PDZRN3: variants seen among roughly 807,000 people sequenced by gnomAD.
The protein encoded by PDZRN3 is E3 ubiquitin-protein ligase PDZRN3.
In PDZRN3, 38 loss-of-function variants were observed where a neutral mutation model predicts 85.7. The ratio of observed to expected loss-of-function variants is 0.44; its 90% CI spans 0.34 to 0.58. PDZRN3 has a LOEUF of 0.58. Among genes scored for constraint, PDZRN3 ranks in the 20% least tolerant of loss-of-function variants. The pLI is 0.01. For missense variants in PDZRN3, 1,629 were observed against 1,506.4 expected (o/e 1.08, Z -1.35); for synonymous variants, 759 against 638.0 (o/e 1.19, Z -2.86).
chr3:73,420,408 C>G (rs1702175644), intron 3 of PDZRN3, among the ~76,000 whole-genome samples: 1 of 152,226 alleles, frequency 6.6e-6, no homozygotes, highest in African/African-American at 2.4e-5. Flanking sequence ...GTGGATGCCC[C>G]TACTTGGCAC....
chr3:73,602,453 G>C lies in PDZRN3; in HGVS notation c.819C>G (p.His273Gln), dbSNP rs768087497. The C allele has an allele frequency of 2.0e-6, 3 of 1,532,734 alleles. No homozygotes were observed. The highest frequency in any genetic ancestry group is 2.3e-5 in the East Asian group (1 of 43,088). The allele number at this position is 1,532,734 out of a possible 1,614,324, so 94.9% of individuals were successfully genotyped here. The change falls in exon 3 of 10, where the codon CAC becomes CAG. Residue 273 changes from histidine to glutamine, a missense_variant. Coordinates refer to ENST00000263666, the MANE Select transcript of PDZRN3 (RefSeq NM_015009.3). ...IIGGRPSVDN[H>Q]DGSSSEGIFV... ...AGATTCCTTCACTGGATGATCCATC[G>C]TGGTTATCCTTTGGGTTAAAAAAAA...
intron 3 of PDZRN3, among the ~76,000 whole-genome samples, chr3:73,539,216 C>T (rs1704857120): frequency 6.6e-6 from 1 of 152,108 alleles, no homozygotes; most frequent in African/African-American, 2.4e-5. Context: ...TATAGGTTTT[C>T]AAAGTCACTC....
chr3:73,391,267 G>A, intron 5 of PDZRN3, 151 bp from the exon 6 acceptor site: 1 of 577,216 alleles, frequency 1.7e-6, no homozygotes, highest in South Asian at 2.4e-5. Flanking sequence ...AACAAAAAGT[G>A]ATTATGGACA....
chr3:73,518,433 G>T (rs1399379915), intron 3 of PDZRN3, among the ~76,000 whole-genome samples: 2 of 152,062 alleles, frequency 1.3e-5, no homozygotes, highest in Non-Finnish European at 2.9e-5. Context: ...AATGGTAAAG[G>T]TTGTACAATA....
At chr3:73,527,987 C>T (rs1704564571) in intron 3 of PDZRN3, among the ~76,000 whole-genome samples, 1 of 152,170 alleles carries the variant, frequency 6.6e-6, no homozygotes, top group Non-Finnish European at 1.5e-5. Flanking sequence ...GCTGGCATAG[C>T]CAAAAGCCCA....
chr3:73,407,146 T>C (rs1411478046), intron 3 of PDZRN3, among the ~76,000 whole-genome samples: 1 of 152,148 alleles, frequency 6.6e-6, no homozygotes, highest in African/African-American at 2.4e-5. Context: ...GCTGGTTGGA[T>C]GGGATGAGAG....
At chr3:73,388,982 C>T (rs559625090) in intron 7 of PDZRN3, among the ~76,000 whole-genome samples, 1 of 147,718 alleles carries the variant, frequency 6.8e-6, no homozygotes, top group East Asian at 2.0e-4. Flanking sequence ...GGACCCTGAC[C>T]CTTCAGGTGT....
chr3:73,528,109 C>T (rs1704567244), intron 3 of PDZRN3, among the ~76,000 whole-genome samples: 1 of 152,220 alleles, frequency 6.6e-6, no homozygotes, highest in African/African-American at 2.4e-5. Flanking sequence ...GCTGCTCCCC[C>T]AGACTAAAGA....
rs181794193 is a variant in PDZRN3 at position 73,421,203 on chromosome 3, G to A, written c.919-16808C>T. ...CCTACACTGTGCCATACGGGTTCCA[G>A]ATACACTCACACACACATTAAAGCT... On this transcript the variant is annotated intron_variant, in intron 3 of 9. Coordinates refer to ENST00000263666, the MANE Select transcript of PDZRN3 (RefSeq NM_015009.3). Among the ~76,000 whole-genome samples, 18 of 152,278 alleles carry A rather than the reference G, an allele frequency of 1.2e-4. No individual in the cohort carries two copies. In the East Asian group the frequency reaches 2.9e-3, roughly 24 times the overall value.
At chr3:73,400,294 G>T (rs1215919794) in intron 5 of PDZRN3, among the ~76,000 whole-genome samples, 3 of 152,084 alleles carry the variant, frequency 2.0e-5, no homozygotes, top group Non-Finnish European at 4.4e-5. Context: ...TTAATAAAAG[G>T]AAAATGGGAA....
chr3:73,484,023 G>A (rs1169462905), intron 3 of PDZRN3, among the ~76,000 whole-genome samples: 3 of 152,156 alleles, frequency 2.0e-5, no homozygotes, highest in African/African-American at 7.2e-5. Context: ...GAAAAAAGTG[G>A]AGGGACGTAG....
chr3:73,562,616 A>G (rs1195103176), intron 3 of PDZRN3, among the ~76,000 whole-genome samples: 3 of 152,114 alleles, frequency 2.0e-5, no homozygotes, highest in Non-Finnish European at 4.4e-5. Context: ...TGCCATCTAC[A>G]TTTCCGGGAC....
At position 73,552,705 on chromosome 3, in the gene PDZRN3, G is replaced by T. The variant is rs116257973; in HGVS notation, c.918+49649C>A. Among the ~76,000 whole-genome samples the T allele has an allele frequency of 3.1e-3, 479 of 152,270 alleles. 1 individual carries two copies. The highest frequency in any genetic ancestry group is 0.011 in the African/African-American group (462 of 41,564). ...TGGACCTATCCAGATGTATGTTTAC[G>T]GATTATTTGCCCAAGAAGAACAGGT... On this transcript the variant is annotated intron_variant, in intron 3 of 9. Transcript: ENST00000263666.
At chr3:73,456,338 G>A (rs1702977237) in intron 3 of PDZRN3, among the ~76,000 whole-genome samples, 1 of 152,166 alleles carries the variant, frequency 6.6e-6, no homozygotes, top group Non-Finnish European at 1.5e-5. Flanking sequence ...TGATATCACA[G>A]GAGCTTTCAT....
intron 3 of PDZRN3, among the ~76,000 whole-genome samples, chr3:73,535,722 CCTAAA>C (rs762475951): frequency 1.3e-5 from 2 of 152,182 alleles, no homozygotes; most frequent in Non-Finnish European, 2.9e-5. Flanking sequence ...ACCTGCATTT[CCTAAA>C]CTGTCATTCT....
chr3:73,563,628 TA>T (rs1423434403), intron 3 of PDZRN3, among the ~76,000 whole-genome samples: 1 of 152,160 alleles, frequency 6.6e-6, no homozygotes, highest in Non-Finnish European at 1.5e-5. Flanking sequence ...ACAGATTTTT[TA>T]AATGCCTGAA....
rs762995967 is a variant in PDZRN3, at chr3:73,383,943, C to A, written c.2623G>T (p.Ala875Ser). The A allele has an allele frequency of 6.2e-7, 1 of 1,604,716 alleles. No homozygotes were observed. Among genetic ancestry groups the A allele is most frequent in the Non-Finnish European group, 8.5e-7 (1 of 1,175,972 alleles). ...HSPYKHAHIP[A>S]HAQHYQSYMQ... ...TAGCTCTGGTAGTGCTGGGCGTGCG[C>A]CGGGATGTGCGCGTGCTTGTATGGG... The change falls in exon 10 of 10, where the codon GCG becomes TCG. Residue 875 changes from alanine (A) to serine (S), a missense_variant. Physicochemically the swap from Ala to Ser is moderately conservative, Grantham distance 99. Coordinates refer to ENST00000263666, the MANE Select transcript of PDZRN3 (RefSeq NM_015009.3).
At chr3:73,413,327 A>G (rs971300652) in intron 3 of PDZRN3, among the ~76,000 whole-genome samples, 2 of 152,230 alleles carry the variant, frequency 1.3e-5, no homozygotes, top group African/African-American at 4.8e-5. Context: ...AATAAGTCAC[A>G]TAAGAAAACC....
chr3:73,451,141 G>A (rs908930813), intron 3 of PDZRN3, among the ~76,000 whole-genome samples: 1 of 152,150 alleles, frequency 6.6e-6, no homozygotes, highest in Non-Finnish European at 1.5e-5. Flanking sequence ...CCTATGCTGT[G>A]TTCCTCGGAG....
Sources: allele counts gnomAD v4.1 joint callset (sites outside exome capture counted in the v4.1 genomes callset), GRCh38; gene constraint gnomAD v4.1.1; transcripts MANE v1.5; gene names NCBI Gene and HGNC (gene_info 2026-07-23, HGNC 2026-07-21).